RPA1: variants seen among roughly 807,000 people sequenced by gnomAD.
RPA1 encodes the protein replication protein A1, also known as replication protein A 70 kDa DNA-binding subunit.
In RPA1, 49 loss-of-function variants were observed where a neutral mutation model predicts 83.0. The ratio of observed to expected loss-of-function variants is 0.59; its 90% confidence interval spans 0.47 to 0.75. The LOEUF (loss-of-function observed/expected upper bound fraction) is 0.75. Ranked by LOEUF, RPA1 falls within the 30% of genes least tolerant of loss-of-function variation. The pLI is 0.00. For synonymous variants in RPA1, 279 were observed against 281.8 expected (o/e 0.99, Z 0.10); for missense variants, 693 against 776.1 (o/e 0.89, Z 1.27).
chr17:1,862,567 C>T (rs541659096), intron 5 of RPA1, among the ~76,000 whole-genome samples: 125 of 151,642 alleles, frequency 8.2e-4, no homozygotes, highest in African/African-American at 2.9e-3. Flanking sequence ...TACAGGCACA[C>T]ACCACCATGC....
At chr17:1,887,276 G>C (rs969833678) in intron 13 of RPA1, among the ~76,000 whole-genome samples, 1 of 152,104 alleles carries the variant, frequency 6.6e-6, no homozygotes, top group African/African-American at 2.4e-5. Flanking sequence ...GATCACTGTA[G>C]GCCAGGCGCG....
chr17:1,848,482 A>G (rs1912350549), intron 4 of RPA1, among the ~76,000 whole-genome samples: 1 of 151,408 alleles, frequency 6.6e-6, no homozygotes, highest in African/African-American at 2.4e-5. Context: ...ATGGTGGCAC[A>G]TGCCTGTAAT....
At position 1,879,003 on chromosome 17, in the gene RPA1, G is replaced by C; in HGVS notation, c.701G>C (p.Arg234Pro). ...LELVDESGEI[R>P]ATAFNEQVDK... The stretch of plus-strand genomic sequence containing the variant: ...CACGTGCTTCTGCAGGGTGAAATCC[G>C]AGCTACAGCTTTCAATGAGCAAGTG... The change falls in exon 9 of 17, where the codon CGA (arginine) becomes CCA (proline). Residue 234 changes from arginine to proline, a missense_variant. Transcript: ENST00000254719. The C allele has an allele frequency of 1.2e-6, 2 of 1,614,162 alleles. No individual in the cohort carries two copies. Among genetic ancestry groups the C allele is most frequent in the Non-Finnish European group, 1.7e-6 (2 of 1,180,038 alleles).
intron 16 of RPA1, 47 bp from the exon 17 acceptor site, chr17:1,897,024 C>G (rs9894745): frequency 1.3e-5 from 20 of 1,500,610 alleles, no homozygotes; most frequent in Non-Finnish European, 1.6e-5. Flanking sequence ...TTTCACTGCT[C>G]CACACCACAC....
chr17:1,857,160 A>G (rs1912729089), intron 5 of RPA1, among the ~76,000 whole-genome samples: 1 of 152,006 alleles, frequency 6.6e-6, no homozygotes, highest in South Asian at 2.1e-4. Flanking sequence ...TATTCAATTC[A>G]TAATACTTTC....
At chr17:1,844,098 G>A (rs553739260) in intron 3 of RPA1, 100 bp downstream of exon 3, 42 of 947,516 alleles carry the variant, frequency 4.4e-5, no homozygotes, top group East Asian at 1.5e-4. Flanking sequence ...CGTGAAGTCC[G>A]TACTTGCTTG....
rs1914086380 is a variant in RPA1 at position 1,888,663 on chromosome 17, T to A, written c.1375-12T>A. Reference sequence around the variant, plus strand: ...GCGACTCCGTGCCTCATGCTGTTCTTTTCTCCCGAAGCCGGACTACTTTAG... The same window carrying A: ...GCGACTCCGTGCCTCATGCTGTTCTATTCTCCCGAAGCCGGACTACTTTAG... On this transcript the variant is annotated splice_polypyrimidine_tract_variant and intron_variant, in intron 13 of 16. Transcript: ENST00000254719. 1 of 1,605,072 alleles carries A rather than the reference T, an allele frequency of 6.2e-7. No homozygotes were observed. The highest frequency in any genetic ancestry group is 1.3e-5 in the African/African-American group (1 of 74,780).
intron 5 of RPA1, among the ~76,000 whole-genome samples, chr17:1,854,977 A>G (rs1912635980): frequency 6.6e-6 from 1 of 152,170 alleles, no homozygotes; most frequent in African/African-American, 2.4e-5. Context: ...TTCACCATTA[A>G]ATGTCATGTT....
At chr17:1,847,497 A>G (rs1296268575) in intron 4 of RPA1, among the ~76,000 whole-genome samples, 2 of 152,020 alleles carry the variant, frequency 1.3e-5, no homozygotes, top group Non-Finnish European at 2.9e-5. Flanking sequence ...CTTGCCTCAT[A>G]TTCTTTTGTA....
chr17:1,874,011 AAATATATAT>A (rs1248134213), intron 6 of RPA1, among the ~76,000 whole-genome samples: 2 of 101,558 alleles, frequency 2.0e-5, no homozygotes, highest in African/African-American at 9.4e-5. Flanking sequence ...AAAAAAAAAA[AAATATATAT>A]ATATATATAT....
At chr17:1,842,980 G>A (rs946436651) in intron 2 of RPA1, 127 bp downstream of exon 2, 2 of 889,226 alleles carry the variant, frequency 2.2e-6, no homozygotes, top group African/African-American at 1.7e-5. Context: ...CAAAAAATAG[G>A]CCAGTCTACA....
At chr17:1,852,081 G>A (rs1912516571) in intron 4 of RPA1, among the ~76,000 whole-genome samples, 2 of 152,064 alleles carry the variant, frequency 1.3e-5, no homozygotes, top group Admixed American at 1.3e-4. Flanking sequence ...TCTTCTCTTG[G>A]TCTCCCTGCC....
intron 5 of RPA1, among the ~76,000 whole-genome samples, chr17:1,870,106 G>A (rs1213903778): frequency 1.3e-5 from 2 of 152,126 alleles, no homozygotes; most frequent in African/African-American, 4.8e-5. Flanking sequence ...AGCCAGTTAC[G>A]TGGTTCCTCT....
chr17:1,857,261 C>CT (rs1912733864), intron 5 of RPA1, among the ~76,000 whole-genome samples: 5 of 99,140 alleles, frequency 5.0e-5, no homozygotes, highest in East Asian at 3.1e-4. Flanking sequence ...TTTTCTTTTT[C>CT]TTTTTCTTTT....
chr17:1,863,184 A>ATTTTATTTTAT (rs1555590729), intron 5 of RPA1, among the ~76,000 whole-genome samples: 1 of 138,778 alleles, frequency 7.2e-6, no homozygotes, highest in Non-Finnish European at 1.5e-5. Context: ...CGCCCAACTA[A>ATTTTATTTTAT]TTTATTTTAT....
Position 1,884,712 on chromosome 17 carries a change from C to G in RPA1, c.1374+768C>G, listed in dbSNP as rs1254090493. On this transcript the variant is annotated intron_variant, in intron 13 of 16. Coordinates refer to ENST00000254719, the MANE Select transcript of RPA1 (RefSeq NM_002945.5). The surrounding 1 kb of genome is among the most constrained non-coding windows in gnomAD (Gnocchi z 4.1). The stretch of plus-strand genomic sequence containing the variant: ...TCAAGAATTAAACACTGGACAGATC[C>G]TCGTTGTCCTGTCATGGGACACCCA... 6.6e-6 allele frequency among the ~76,000 whole-genome samples: 1 copy of G among 152,160 alleles called. No homozygotes were observed.
intron 1 of RPA1, among the ~76,000 whole-genome samples, chr17:1,830,962 C>T (rs576126715): frequency 6.6e-6 from 1 of 152,136 alleles, no homozygotes; most frequent in South Asian, 2.1e-4. Context: ...GACTGGGTTT[C>T]ATCATGTTGG....
At chr17:1,874,012 A>T (rs7208205) in intron 6 of RPA1, among the ~76,000 whole-genome samples, 3,831 of 92,756 alleles carry the variant, frequency 0.041, 80 homozygotes, top group Admixed American at 0.054. Flanking sequence ...AAAAAAAAAA[A>T]ATATATATAT....
In RPA1 at chr17:1,879,152, G is replaced by A; in HGVS notation, c.760-63G>A. 1.8e-5 allele frequency: 29 copies of A among 1,609,382 alleles called. 1 individual carries two copies. The South Asian group carries it at 3.2e-4, about 18-fold the overall frequency. On this transcript the variant is annotated intron_variant, in intron 9 of 16. Coordinates refer to ENST00000254719, the MANE Select transcript of RPA1 (RefSeq NM_002945.5). ...CCCAGGGGAGGGGTGTGTGGTGGCA[G>A]ACTAGGGGTTTCTGTCCGATTTGAT...
Sources: allele counts gnomAD v4.1 joint callset (sites outside exome capture counted in the v4.1 genomes callset), GRCh38; gene constraint gnomAD v4.1.1; non-coding constraint Gnocchi (gnomAD v3.1); transcripts MANE v1.5; gene names NCBI Gene and HGNC (gene_info 2026-07-23, HGNC 2026-07-21).